The following IGFL2 variants were observed in gnomAD, a reference collection of about 807,000 sequenced individuals.
The protein encoded by IGFL2 is IGF like family member 2.
Under a neutral mutation model 13.9 loss-of-function variants are expected in IGFL2, and 7 were observed. That is an observed-to-expected ratio of 0.51 (90% CI 0.29 to 0.95). IGFL2 has a LOEUF of 0.95. IGFL2 is among the 40% of genes least tolerant of loss of function. IGFL2 has a pLI of 0.08. For missense variants in IGFL2, 138 were observed against 147.8 expected, an observed-to-expected ratio of 0.93 and a Z score of 0.34; for synonymous variants, 55 against 55.8, an observed-to-expected ratio of 0.99 and a Z score of 0.07.
the IGFL2 span, among the ~76,000 whole-genome samples, chr19:46,088,694 A>G: frequency 6.6e-6 from 1 of 152,240 alleles, no homozygotes; most frequent in Non-Finnish European, 1.5e-5. Flanking sequence ...TTGGGTGACA[A>G]TAAATGAAGT....
chr19:46,163,752 A>G (rs1258052320), downstream of IGFL2: 2 of 152,340 alleles, frequency 1.3e-5, no homozygotes, highest in Non-Finnish European at 2.9e-5. Flanking sequence ...CCTGATGAGG[A>G]GACATGGGAA....
the IGFL2 span, among the ~76,000 whole-genome samples, chr19:46,191,088 G>A: frequency 6.6e-6 from 1 of 152,036 alleles, no homozygotes; most frequent in Admixed American, 6.6e-5. Flanking sequence ...TGTCAAGAAA[G>A]ACTTCATTCT....
chr19:46,136,936 C>T, the IGFL2 span: 1 of 1,087,204 alleles, frequency 9.2e-7, no homozygotes, highest in African/African-American at 1.5e-5. Context: ...AGAGAGGTGT[C>T]TGTAAAGTTG....
chr19:46,086,458 G>A, the IGFL2 span, among the ~76,000 whole-genome samples: 3 of 152,104 alleles, frequency 2.0e-5, no homozygotes, highest in East Asian at 3.9e-4. Context: ...TGAGTACCTG[G>A]AATTACAGGT....
chr19:46,160,087 A>G (rs1340012737), intron 1 of IGFL2: 6 of 335,658 alleles, frequency 1.8e-5, no homozygotes, highest in African/African-American at 8.4e-5. Context: ...CTCCTTCCTT[A>G]TCACCTTAAT....
chr19:46,165,785 A>G (rs1444747782), downstream of IGFL2, among the ~76,000 whole-genome samples: 3 of 152,230 alleles, frequency 2.0e-5, no homozygotes, highest in Non-Finnish European at 2.9e-5. Flanking sequence ...ATAATAGCCA[A>G]TGGGCTGAGC....
At chr19:46,208,073 CAGGTTA>C in the IGFL2 span, 1 of 152,354 alleles carries the variant, frequency 6.6e-6, no homozygotes, top group East Asian at 1.9e-4. Flanking sequence ...TTCGACAAAG[CAGGTTA>C]ATTACTTACA....
chr19:46,197,529 C>T, the IGFL2 span, among the ~76,000 whole-genome samples: 1 of 152,102 alleles, frequency 6.6e-6, no homozygotes, highest in Non-Finnish European at 1.5e-5. Flanking sequence ...TTCAGTCTCT[C>T]CCCCATCTCT....
chr19:46,200,075 C>T, the IGFL2 span, among the ~76,000 whole-genome samples: 3 of 152,122 alleles, frequency 2.0e-5, no homozygotes, highest in Non-Finnish European at 4.4e-5. Context: ...TGGGGTTTCA[C>T]CATCCTGACC....
chr19:46,134,997 A>G, the IGFL2 span, among the ~76,000 whole-genome samples: 1 of 152,152 alleles, frequency 6.6e-6, no homozygotes, highest in Admixed American at 6.5e-5. Flanking sequence ...GGGCATCCTG[A>G]TTATCTCTTT....
the IGFL2 span, among the ~76,000 whole-genome samples, chr19:46,176,295 A>G: frequency 6.6e-6 from 1 of 152,044 alleles, no homozygotes; most frequent in Non-Finnish European, 1.5e-5. Flanking sequence ...AGATATTCAC[A>G]TTTTGAATAT....
chr19:46,168,809 C>T, the IGFL2 span, among the ~76,000 whole-genome samples: 5 of 152,118 alleles, frequency 3.3e-5, no homozygotes, highest in African/African-American at 1.2e-4. Context: ...GCTTCAGCTT[C>T]TTCCTTTAAG....
chr19:46,128,198 A>G, the IGFL2 span, among the ~76,000 whole-genome samples: 148 of 152,232 alleles, frequency 9.7e-4, 1 homozygote, highest in African/African-American at 3.4e-3. Context: ...TTGATTTTAT[A>G]TCCTGCAACT....
the IGFL2 span, among the ~76,000 whole-genome samples, chr19:46,128,636 A>G: frequency 1.3e-5 from 2 of 152,332 alleles, no homozygotes; most frequent in South Asian, 2.1e-4. Flanking sequence ...TGTTTCTGCA[A>G]TGAATCACAT....
At chr19:46,082,900 G>T in the IGFL2 span, among the ~76,000 whole-genome samples, 1 of 152,090 alleles carries the variant, frequency 6.6e-6, no homozygotes, top group Non-Finnish European at 1.5e-5. Flanking sequence ...CTGGGTGTGG[G>T]ATGGCTAAGA....
rs1403134408 is a variant in IGFL2, at chr19:46,160,474, T to A, written c.73+6T>A. 4.3e-6 allele frequency: 7 copies of A among 1,613,618 alleles called. No individual in the cohort carries two copies. The highest frequency in any genetic ancestry group is 1.7e-5 in the Admixed American group (1 of 60,010). On this transcript the variant is annotated splice_donor_region_variant and intron_variant, in intron 2 of 3. Transcript: ENST00000377693. ...GTGTCCAAGGGAAGTCATCGGTGAG[T>A]ACAAGGATGGGCAAGAGTGAAGAGG...
chr19:46,153,630 G>A (rs1973635110), intron 1 of IGFL2, among the ~76,000 whole-genome samples: 1 of 151,818 alleles, frequency 6.6e-6, no homozygotes, highest in African/African-American at 2.4e-5. Context: ...CAATTATACT[G>A]TTTTAATAAG....
chr19:46,110,129 G>A, the IGFL2 span, among the ~76,000 whole-genome samples: 3 of 152,188 alleles, frequency 2.0e-5, no homozygotes, highest in East Asian at 3.8e-4. Context: ...AACAGCCATC[G>A]GGGCCACATA....
intron 1 of IGFL2, among the ~76,000 whole-genome samples, chr19:46,153,809 ATATATGTG>A (rs1486710554): frequency 6.9e-6 from 1 of 145,550 alleles, no homozygotes; most frequent in Non-Finnish European, 1.5e-5. Context: ...ATTACAAATT[ATATATGTG>A]TATATATATA....
Sources: allele counts gnomAD v4.1 joint callset (sites outside exome capture counted in the v4.1 genomes callset), GRCh38; gene constraint gnomAD v4.1.1; transcripts MANE v1.5; gene names NCBI Gene and HGNC (gene_info 2026-07-23, HGNC 2026-07-21).